The following DIPK2B variants were observed in gnomAD, a reference collection of about 807,000 sequenced individuals.
The protein encoded by DIPK2B is divergent protein kinase domain 2B, also known as UPF0672 protein CXorf36.
A neutral mutation model predicts 22.2 loss-of-function variants in DIPK2B; 15 were observed. That is an observed-to-expected ratio of 0.68 (90% CI 0.45 to 1.04). DIPK2B has a LOEUF of 1.04. DIPK2B is among the 50% of genes least tolerant of loss of function. The probability of loss-of-function intolerance (pLI) is 0.00; values close to 1 mark genes in which losing one functional copy is unlikely to be tolerated. For missense variants in DIPK2B, 345 were observed against 348.3 expected (o/e 0.99, Z 0.08); for synonymous variants, 163 against 153.2 (o/e 1.06, Z -0.47).
intron 1 of DIPK2B, among the ~76,000 whole-genome samples, chrX:45,194,063 TTTAA>T (rs1445341848): frequency 8.9e-6 from 1 of 112,144 alleles, no homozygotes; most frequent in Non-Finnish European, 1.9e-5. Context: ...TACAGATTCA[TTTAA>T]TTGTTTCAAT....
rs779545174 is a variant in DIPK2B, at chrX:45,151,795, C to T, written c.1159G>A (p.Val387Ile). Residue 387 changes from valine to isoleucine, a missense_variant, in exon 5 of 5, where the codon GTT becomes ATT. Transcript: ENST00000398000. ...GGGCGGATGCTGTCCCCACACTGAA[C>T]AAGGATGGAGTCTATGTCGTCTTGC... is the stretch of plus-strand genomic sequence containing the variant. Reference protein sequence around the residue: ...PVQDDIDSILVQCGDSIRPDP... With the variant: ...PVQDDIDSILIQCGDSIRPDP... 1 of 1,210,613 alleles carries T rather than the reference C, an allele frequency of 8.3e-7. No homozygotes were observed. The highest frequency in any genetic ancestry group is 2.2e-5 in the Admixed American group (1 of 45,873).
intron 2 of DIPK2B, among the ~76,000 whole-genome samples, chrX:45,169,903 G>A (rs1156363062): frequency 9.0e-6 from 1 of 111,477 alleles, no homozygotes; most frequent in Non-Finnish European, 1.9e-5. Context: ...TGAACACAAA[G>A]CATTAATCAG....
chrX:45,169,010 C>T (rs981951745), intron 2 of DIPK2B, among the ~76,000 whole-genome samples: 1 of 111,883 alleles, frequency 8.9e-6, no homozygotes, highest in African/African-American at 3.3e-5. Context: ...AGTTTCCTCA[C>T]CTATAACTGA....
At chrX:45,176,433 C>T in intron 2 of DIPK2B, among the ~76,000 whole-genome samples, 1 of 112,129 alleles carries the variant, frequency 8.9e-6, no homozygotes, top group Non-Finnish European at 1.9e-5. Context: ...TTATATTCTA[C>T]AGTCCCTTCC....
At chrX:45,164,293 T>A (rs777667020) in intron 2 of DIPK2B, 1 of 1,173,395 alleles carries the variant, frequency 8.5e-7, no homozygotes, top group Non-Finnish European at 1.1e-6. Context: ...TTCAAAAGAT[T>A]TGTGGAAAAT....
rs1251194071 is a variant in DIPK2B, at chrX:45,149,625, G to C, written c.*2027C>G. 2 of 112,788 alleles carry C rather than the reference G, an allele frequency of 1.8e-5. No homozygotes were observed. Among genetic ancestry groups the C allele is most frequent in the Non-Finnish European group, 1.9e-5 (1 of 53,324 alleles). The allele number at this position is 112,788 out of a possible 1,213,427, so 9.3% of individuals were successfully genotyped here. On this transcript the variant is annotated 3_prime_UTR_variant, in exon 5 of 5. Transcript: ENST00000398000. ...GTAGCACAGGTGAAAGTCAGAGGCT[G>C]AAGGGGAGGGCAATAGGAGCCTCCT...
At chrX:45,155,961 C>CTT (rs757375184) in intron 3 of DIPK2B, among the ~76,000 whole-genome samples, 960 of 55,223 alleles carry the variant, frequency 0.017, 68 homozygotes, top group African/African-American at 0.039. Context: ...AAGGGGACCT[C>CTT]TTTTTTTTTT....
intron 1 of DIPK2B, 60 bp from the exon 2 acceptor site, chrX:45,192,075 G>A: frequency 1.9e-6 from 2 of 1,080,947 alleles, no homozygotes; most frequent in Non-Finnish European, 1.2e-6. Flanking sequence ...CAGAGCCCAG[G>A]GACAGGAAGA....
At chrX:45,156,269 G>C (rs2046995036) in intron 3 of DIPK2B, among the ~76,000 whole-genome samples, 1 of 111,002 alleles carries the variant, frequency 9.0e-6, no homozygotes, top group African/African-American at 3.3e-5. Flanking sequence ...ACAGCACCCG[G>C]CCCAGAGGGG....
chrX:45,193,156 T>A (rs1242054724), intron 1 of DIPK2B, among the ~76,000 whole-genome samples: 1 of 112,595 alleles, frequency 8.9e-6, no homozygotes, highest in African/African-American at 3.2e-5. Context: ...TCCAGCTGTG[T>A]GCTGATATTT....
chrX:45,191,049 G>T (rs2047208438), intron 2 of DIPK2B, among the ~76,000 whole-genome samples: 1 of 112,599 alleles, frequency 8.9e-6, no homozygotes, highest in African/African-American at 3.2e-5. Flanking sequence ...TCTGCGCAAA[G>T]GGGCTCAGCT....
intron 2 of DIPK2B, chrX:45,162,527 G>T: frequency 1.3e-6 from 1 of 754,274 alleles, no homozygotes; most frequent in Non-Finnish European, 1.6e-6. Context: ...TGCTGGCCAT[G>T]TGCAAACCCA....
intron 2 of DIPK2B, among the ~76,000 whole-genome samples, chrX:45,171,832 C>T (rs1265529223): frequency 8.9e-6 from 1 of 112,733 alleles, no homozygotes; most frequent in Non-Finnish European, 1.9e-5. Context: ...TTTGAATAAT[C>T]ATGCCTTGGT....
At chrX:45,178,953 G>T (rs2047133980) in intron 2 of DIPK2B, among the ~76,000 whole-genome samples, 1 of 111,583 alleles carries the variant, frequency 9.0e-6, no homozygotes, top group Non-Finnish European at 1.9e-5. Flanking sequence ...TGCCTTATCA[G>T]CAGGGACCAT....
chrX:45,199,965 C>T (rs1355792991), intron 1 of DIPK2B, among the ~76,000 whole-genome samples: 5 of 112,351 alleles, frequency 4.5e-5, no homozygotes, highest in African/African-American at 1.6e-4. Flanking sequence ...CAACAGAAAG[C>T]TGGCTCAGAA....
chrX:45,189,905 G>C (rs1393433930), intron 2 of DIPK2B, among the ~76,000 whole-genome samples: 1 of 111,855 alleles, frequency 8.9e-6, no homozygotes, highest in African/African-American at 3.3e-5. Context: ...GGTGGGTTAG[G>C]GGAGGGCCAA....
intron 2 of DIPK2B, among the ~76,000 whole-genome samples, chrX:45,172,791 G>C (rs150733716): frequency 1.2e-4 from 13 of 111,942 alleles, no homozygotes; most frequent in African/African-American, 3.9e-4. Flanking sequence ...TCTCCACTGG[G>C]TCATTTCTTT....
intron 2 of DIPK2B, among the ~76,000 whole-genome samples, chrX:45,172,590 C>G: frequency 9.0e-6 from 1 of 111,445 alleles, no homozygotes; most frequent in Non-Finnish European, 1.9e-5. Flanking sequence ...TTCCTCCATT[C>G]CAGGGCCCCT....
rs184947805 is a variant in DIPK2B at position 45,194,656 on chromosome X, T to C, written c.234-2641A>G. On this transcript the variant is annotated intron_variant, in intron 1 of 4. Coordinates refer to ENST00000398000, the MANE Select transcript of DIPK2B (RefSeq NM_176819.4). ...AACAGATTGGTAACATTATTAGGGG[T>C]TATAGGTGGCAGGATCCTTGAAGAT... is the stretch of plus-strand genomic sequence containing the variant. Among the ~76,000 whole-genome samples the C allele has an allele frequency of 1.3e-3, 141 of 111,922 alleles. 1 individual carries two copies. The Middle Eastern group carries it at 0.014, about 11-fold the overall frequency.
Sources: allele counts gnomAD v4.1 joint callset (sites outside exome capture counted in the v4.1 genomes callset), GRCh38; gene constraint gnomAD v4.1.1; transcripts MANE v1.5; gene names NCBI Gene and HGNC (gene_info 2026-07-23, HGNC 2026-07-21).